The following SFMBT2 variants were observed in gnomAD, a reference collection of about 807,000 sequenced individuals.
SFMBT2 encodes the protein Scm like with four mbt domains 2.
In SFMBT2, 38 loss-of-function variants were observed where a neutral mutation model predicts 110.1. The ratio of observed to expected loss-of-function variants is 0.35; its 90% CI spans 0.27 to 0.45. The LOEUF (loss-of-function observed/expected upper bound fraction) is 0.45, where lower values mean the gene tolerates loss of function less well. SFMBT2 is among the 20% of genes least tolerant of loss of function. The probability of loss-of-function intolerance (pLI) is 1.00; values close to 1 mark genes in which losing one functional copy is unlikely to be tolerated. For missense variants in SFMBT2, 1,011 were observed against 1,094.9 expected (o/e 0.92, Z 1.08); for synonymous variants, 425 against 425.4 (o/e 1.00, Z 0.01).
At chr10:7,321,563 AAG>A (rs1843189958) in intron 4 of SFMBT2, among the ~76,000 whole-genome samples, 1 of 152,186 alleles carries the variant, frequency 6.6e-6, no homozygotes, top group Non-Finnish European at 1.5e-5. Context: ...ATCCCATCTT[AAG>A]GTGCACAATG....
chr10:7,410,581 C>G (rs1233140908), intron 1 of SFMBT2, among the ~76,000 whole-genome samples: 1 of 152,150 alleles, frequency 6.6e-6, no homozygotes, highest in Admixed American at 6.5e-5. Context: ...ACCCGGGAAG[C>G]AAAAATGACA....
rs1291289850 is a variant in SFMBT2, at chr10:7,301,852, C to A, written c.437-15898G>T. Among the ~76,000 whole-genome samples, 3 of 152,024 alleles carry A rather than the reference C, an allele frequency of 2.0e-5. No homozygotes were observed. Among genetic ancestry groups the A allele is most frequent in the Admixed American group, 6.6e-5 (1 of 15,258 alleles). On this transcript the variant is annotated intron_variant, in intron 4 of 20. Transcript: ENST00000397167. The surrounding 1 kb of genome is among the most constrained non-coding windows in gnomAD (Gnocchi z 4.2). ...CTAGACTATCGAAGGGGAAAAAAAA[C>A]CACTGGTGTAGAATTTTTTAAAAAA...
At chr10:7,178,238 C>T (rs1009086376) in intron 16 of SFMBT2, among the ~76,000 whole-genome samples, 7 of 152,126 alleles carry the variant, frequency 4.6e-5, no homozygotes, top group African/African-American at 7.2e-5. Flanking sequence ...CTTTCCTTCT[C>T]GGTTCACATC....
chr10:7,296,190 C>T (rs983421486), intron 4 of SFMBT2, among the ~76,000 whole-genome samples: 1 of 152,236 alleles, frequency 6.6e-6, no homozygotes, highest in African/African-American at 2.4e-5. Context: ...TCCAGTCCTT[C>T]TCTAGCTGCC....
chr10:7,309,373 TCTG>T (rs1472984996), intron 4 of SFMBT2, among the ~76,000 whole-genome samples: 2 of 152,222 alleles, frequency 1.3e-5, no homozygotes, highest in Non-Finnish European at 2.9e-5. Flanking sequence ...ATTGTCCAGG[TCTG>T]CTGCCTCTCA....
intron 11 of SFMBT2, among the ~76,000 whole-genome samples, chr10:7,209,120 T>C (rs1020460243): frequency 1.1e-4 from 16 of 152,218 alleles, no homozygotes; most frequent in African/African-American, 3.9e-4. Context: ...CTTATGAGTC[T>C]ACATTTATCT....
At chr10:7,401,410 G>A (rs926998961) in intron 1 of SFMBT2, among the ~76,000 whole-genome samples, 12 of 152,130 alleles carry the variant, frequency 7.9e-5, no homozygotes, top group Admixed American at 4.6e-4. Flanking sequence ...TCCAGCACAC[G>A]GAGCTGGAGG....
chr10:7,221,573 G>GA (rs59097520), intron 10 of SFMBT2, among the ~76,000 whole-genome samples: 109,634 of 142,334 alleles, frequency 0.77, 42,131 homozygotes, highest in East Asian at 0.92. Flanking sequence ...CTCAAATGAG[G>GA]AAAAAAAAAA....
chr10:7,360,611 T>C (rs1173315735), intron 4 of SFMBT2, among the ~76,000 whole-genome samples: 1 of 152,188 alleles, frequency 6.6e-6, no homozygotes, highest in Non-Finnish European at 1.5e-5. Flanking sequence ...ATTACCTATA[T>C]GAAGGGTTTT....
In SFMBT2 at chr10:7,214,728, G is replaced by A. The variant is rs1415558619; in HGVS notation, c.1330+5683C>T. The A allele has an allele frequency of 5.1e-6, 5 of 985,370 alleles. No individual in the cohort carries two copies. The Admixed American group carries it at 3.1e-4, about 61-fold the overall frequency. The allele number at this position is 985,370 out of a possible 1,614,324, so 61.0% of individuals were successfully genotyped here. A position where few individuals can be genotyped will look rare whatever the true frequency, so the allele number is the denominator to read the frequency against. ...GAACTCCAAAAACTTACTGTCCAAA[G>A]CTGTGCACAGCACAGATTCCTAGCT... On this transcript the variant is annotated intron_variant, in intron 11 of 20. Transcript: ENST00000397167.
At chr10:7,240,976 A>C (rs1379329448) in intron 9 of SFMBT2, among the ~76,000 whole-genome samples, 1 of 152,184 alleles carries the variant, frequency 6.6e-6, no homozygotes, top group Admixed American at 6.5e-5. Context: ...CTTGAATTGT[A>C]ACTCCCACAA....
At position 7,293,727 on chromosome 10, in the gene SFMBT2, CCTCT is replaced by C. The variant is rs143997578; in HGVS notation, c.437-7777_437-7774del. On this transcript the variant is annotated intron_variant, in intron 4 of 20. Coordinates refer to ENST00000397167, the MANE Select transcript of SFMBT2 (RefSeq NM_001387889.1). This position sits in a 1 kb window ranked among gnomAD's most constrained non-coding sequence, Gnocchi z 4.6. ...CTCTTTCTCTCTCTCTCTTTCTCTC[CCTCT>C]CTCTCTCTCTCATCCAAGGCAGGTG... Among the ~76,000 whole-genome samples, 2 of 150,022 alleles carry C rather than the reference CCTCT, an allele frequency of 1.3e-5. No individual in the cohort carries two copies. Among genetic ancestry groups the C allele is most frequent in the African/African-American group, 4.9e-5 (2 of 40,928 alleles).
At chr10:7,292,981 C>T (rs572766580) in intron 4 of SFMBT2, among the ~76,000 whole-genome samples, 108 of 151,282 alleles carry the variant, frequency 7.1e-4, no homozygotes, top group Non-Finnish European at 1.1e-3. Flanking sequence ...AGCAAGGCTC[C>T]GTCTCAAAAA....
At chr10:7,268,158 T>C (rs368932483) in intron 7 of SFMBT2, among the ~76,000 whole-genome samples, 6 of 152,240 alleles carry the variant, frequency 3.9e-5, no homozygotes, top group African/African-American at 1.4e-4. Flanking sequence ...CAATTACTGA[T>C]AGGCTTTTAT....
In SFMBT2 at chr10:7,202,812, T is replaced by C. The variant is rs1838999958; in HGVS notation, c.1445-290A>G. The C allele has an allele frequency of 4.1e-6, 4 of 985,404 alleles. No individual in the cohort carries two copies. The African/African-American group carries it at 7.0e-5, about 17-fold the overall frequency. The allele number at this position is 985,404 out of a possible 1,614,324, so 61.0% of individuals were successfully genotyped here. ...AGAAAGCAAAAGAGTACACCTGTTG[T>C]ACCTCACATTAGCACACATGTTCAG... is the stretch of plus-strand genomic sequence containing the variant. On this transcript the variant is annotated intron_variant, in intron 12 of 20. Transcript: ENST00000397167.
At chr10:7,306,882 G>A (rs1483041529) in intron 4 of SFMBT2, among the ~76,000 whole-genome samples, 1 of 152,128 alleles carries the variant, frequency 6.6e-6, no homozygotes, top group Non-Finnish European at 1.5e-5. Context: ...ACTGGCTGAA[G>A]TTAAAAATGC....
intron 4 of SFMBT2, among the ~76,000 whole-genome samples, chr10:7,366,438 A>G (rs1417908984): frequency 2.0e-5 from 3 of 151,936 alleles, no homozygotes; most frequent in Admixed American, 2.0e-4. Context: ...TAACAAAAAA[A>G]AAAAAAAAAA....
chr10:7,368,647 A>G (rs4748863), intron 3 of SFMBT2, among the ~76,000 whole-genome samples: 2,040 of 152,358 alleles, frequency 0.013, 14 homozygotes, highest in Middle Eastern at 0.027. Flanking sequence ...TGAATCAAAG[A>G]AAATAGGAGT....
At chr10:7,184,721 C>T (rs1363436152) in intron 16 of SFMBT2, among the ~76,000 whole-genome samples, 1 of 152,046 alleles carries the variant, frequency 6.6e-6, no homozygotes, top group Non-Finnish European at 1.5e-5. Flanking sequence ...CCTTATGAGA[C>T]CTTTTAACAA....
Sources: gnomAD v4.1 joint callset for allele counts (sites outside exome capture counted in the v4.1 genomes callset) on GRCh38, gnomAD v4.1.1 for gene constraint, Gnocchi (gnomAD v3.1) non-coding constraint, MANE v1.5 for transcripts, NCBI Gene and HGNC (gene_info 2026-07-23, HGNC 2026-07-21) for gene names.